PRKD1: variants seen among roughly 807,000 people sequenced by gnomAD.
PRKD1 encodes the protein serine/threonine-protein kinase D1.
A neutral mutation model predicts 95.9 loss-of-function variants in PRKD1; 63 were observed. The ratio of observed to expected loss-of-function variants is 0.66; its 90% CI spans 0.54 to 0.81. The LOEUF (loss-of-function observed/expected upper bound fraction) is 0.81, where lower values mean the gene tolerates loss of function less well. Ranked by LOEUF, PRKD1 falls within the 30% of genes least tolerant of loss-of-function variation. The probability of loss-of-function intolerance (pLI) is 0.00; values close to 1 mark genes in which losing one functional copy is unlikely to be tolerated. For missense variants in PRKD1, 1,048 were observed against 1,165.3 expected (o/e 0.90, Z 1.47); for synonymous variants, 425 against 423.1 (o/e 1.00, Z -0.05).
chr14:29,646,172 C>T (rs1881109633), intron 4 of PRKD1, among the ~76,000 whole-genome samples: 1 of 152,076 alleles, frequency 6.6e-6, no homozygotes, highest in South Asian at 2.1e-4. Flanking sequence ...AAGACATTTG[C>T]ATAGACGCCA....
At chr14:29,850,277 T>A (rs530717758) in intron 1 of PRKD1, among the ~76,000 whole-genome samples, 1 of 152,254 alleles carries the variant, frequency 6.6e-6, no homozygotes, top group East Asian at 1.9e-4. Context: ...ATCTCTTTGC[T>A]AATGATATGA....
In PRKD1 at chr14:29,630,829, C is replaced by G. The variant is rs764016558; in HGVS notation, c.1585G>C (p.Ala529Pro). The change falls in exon 10 of 18, where the codon GCC becomes CCC. Residue 529 changes from alanine to proline, a missense_variant. Ala to Pro is a conservative substitution (Grantham distance 27). Coordinates refer to ENST00000331968, the MANE Select transcript of PRKD1 (RefSeq NM_002742.3). ...VLTSGVGADV[A>P]RMWEIAIQHA... ...TGGATGGCTATCTCCCACATCCTGG[C>G]CACATCTGCACCAACGCCACTGGTG... The G allele has an allele frequency of 6.2e-7, 1 of 1,614,116 alleles. No individual in the cohort carries two copies. Among genetic ancestry groups the G allele is most frequent in the Non-Finnish European group, 8.5e-7 (1 of 1,180,002 alleles).
At chr14:29,668,722 C>T (rs185888276) in intron 2 of PRKD1, among the ~76,000 whole-genome samples, 95 of 152,204 alleles carry the variant, frequency 6.2e-4, no homozygotes, top group African/African-American at 2.0e-3. Context: ...AATAAAATAA[C>T]GACAGATCTT....
intron 1 of PRKD1, among the ~76,000 whole-genome samples, chr14:29,855,682 T>C (rs1254044238): frequency 6.6e-6 from 1 of 152,198 alleles, no homozygotes; most frequent in Non-Finnish European, 1.5e-5. Context: ...AACTCTCATC[T>C]TGTAGCTCCC....
intron 1 of PRKD1, among the ~76,000 whole-genome samples, chr14:29,772,676 G>GT (rs113781815): frequency 0.014 from 2,132 of 152,170 alleles, 49 homozygotes; most frequent in African/African-American, 0.048. Context: ...AACATAAAAT[G>GT]TTTCATGACT....
rs141218682 is a variant in PRKD1, at chr14:29,842,867, C to T, written c.264+84382G>A. On this transcript the variant is annotated intron_variant, in intron 1 of 17. Transcript: ENST00000331968. ...CAGGCAGAGGGTTAAATGTGGGGAG[C>T]GGGTATAGCAGGGAAGAGAGAATGG... is the stretch of plus-strand genomic sequence containing the variant. Among the ~76,000 whole-genome samples, 1,279 of 152,010 alleles carry T rather than the reference C, an allele frequency of 8.4e-3. 7 individuals are homozygous for T. The highest frequency in any genetic ancestry group is 0.014 in the Admixed American group (221 of 15,268).
intron 16 of PRKD1, among the ~76,000 whole-genome samples, chr14:29,580,581 T>C (rs528855377): frequency 1.1e-4 from 17 of 152,220 alleles, no homozygotes; most frequent in African/African-American, 4.1e-4. Context: ...AGTGAGAAAA[T>C]AGGTCCGTCA....
At chr14:29,784,611 G>A (rs918379520) in intron 1 of PRKD1, among the ~76,000 whole-genome samples, 1 of 151,834 alleles carries the variant, frequency 6.6e-6, no homozygotes, top group Non-Finnish European at 1.5e-5. Flanking sequence ...CTTTCACTTC[G>A]AGATCTGAGA....
intron 9 of PRKD1, 98 bp from the exon 10 acceptor site, chr14:29,631,119 T>C: frequency 8.8e-7 from 1 of 1,136,134 alleles, no homozygotes; most frequent in Non-Finnish European, 1.2e-6. Context: ...ACATCACAAA[T>C]AGCCACCATT....
intron 1 of PRKD1, among the ~76,000 whole-genome samples, chr14:29,822,300 A>G (rs1890944856): frequency 6.6e-6 from 1 of 152,214 alleles, no homozygotes; most frequent in Non-Finnish European, 1.5e-5. Flanking sequence ...TTTCTATAGA[A>G]TCCTTCAAGT....
At chr14:29,604,900 C>A (rs1459556844) in intron 13 of PRKD1, among the ~76,000 whole-genome samples, 1 of 152,184 alleles carries the variant, frequency 6.6e-6, no homozygotes, top group Admixed American at 6.5e-5. Flanking sequence ...AGAGGTCCAA[C>A]AATGACATCA....
Position 29,599,756 on chromosome 14 carries a change from AAC to A in PRKD1, c.1965_1966del (p.Phe656CysfsTer18), listed in dbSNP as rs751579180. 1.2e-6 allele frequency: 2 copies of A among 1,613,286 alleles called. No homozygotes were observed. The highest frequency in any genetic ancestry group is 1.7e-6 in the Non-Finnish European group (2 of 1,179,702). On this transcript the variant is annotated frameshift_variant, in exon 14 of 18. Transcript: ENST00000331968. LOFTEE classifies it high-confidence loss of function. ...TCCATGGAGTTTTTCCATAACAACA[AAC>A]ACTCTTTCAGGCGTCTCAAACATAC...
chr14:29,708,954 T>C (rs1350597947), intron 2 of PRKD1, among the ~76,000 whole-genome samples: 1 of 152,190 alleles, frequency 6.6e-6, no homozygotes, highest in Non-Finnish European at 1.5e-5. Context: ...TATTATAAGA[T>C]ATATTTTGGT....
intron 4 of PRKD1, among the ~76,000 whole-genome samples, chr14:29,648,856 G>A (rs904768794): frequency 7.2e-5 from 11 of 151,998 alleles, no homozygotes; most frequent in East Asian, 3.9e-4. Context: ...GGGTTTCACC[G>A]TGTTAGCCAG....
At chr14:29,720,727 C>A (rs1229204031) in intron 2 of PRKD1, among the ~76,000 whole-genome samples, 1 of 151,512 alleles carries the variant, frequency 6.6e-6, no homozygotes, top group Non-Finnish European at 1.5e-5. Flanking sequence ...TTGCAGTGAG[C>A]CAAGATTGAG....
chr14:29,666,281 A>G, intron 2 of PRKD1, 73 bp from the exon 3 acceptor site: 1 of 1,473,634 alleles, frequency 6.8e-7, no homozygotes, highest in East Asian at 2.3e-5. Context: ...ATGCAAGATA[A>G]TAAATATGCC....
rs140188774 is a variant in PRKD1, at chr14:29,821,260, A to G, written c.265-95586T>C. ...TGTGTAGATTGAGAAGACAGCTAAG[A>G]TAGACATCTTAAGACTGTCAGAAAG... On this transcript the variant is annotated intron_variant, in intron 1 of 17. Coordinates refer to ENST00000331968, the MANE Select transcript of PRKD1 (RefSeq NM_002742.3). Among the ~76,000 whole-genome samples, 1,359 of 144,060 alleles carry G rather than the reference A, an allele frequency of 9.4e-3. 23 individuals are homozygous for G. Among genetic ancestry groups the G allele is most frequent in the Admixed American group, 0.041 (604 of 14,758 alleles). 94.5% of individuals were successfully genotyped at this position (144,060 alleles called of 152,430 possible).
rs377758370 is a variant in PRKD1, at chr14:29,618,163, CT to C, written c.1905+5988del. On this transcript the variant is annotated intron_variant, in intron 13 of 17. Transcript: ENST00000331968. ...ATATCCTTAATAATCACAAAACATC[CT>C]TTTATTTTTATCTTGACATGAATAA... Among the ~76,000 whole-genome samples the C allele has an allele frequency of 3.1e-4, 47 of 152,128 alleles. No individual in the cohort carries two copies. The East Asian group carries it at 7.5e-3, about 24-fold the overall frequency.
In PRKD1 at chr14:29,927,475, A is replaced by G. The variant is rs1199048559; in HGVS notation, c.38T>C (p.Leu13Pro). 5.4e-5 allele frequency: 68 copies of G among 1,267,834 alleles called. No homozygotes were observed. Among genetic ancestry groups the G allele is most frequent in the Non-Finnish European group, 1.4e-5 (14 of 1,012,398 alleles). The allele number at this position is 1,267,834 out of a possible 1,614,324, so 78.5% of individuals were successfully genotyped here. Reference protein sequence around the residue: ...APPVLRPPSPLLPVAAAAAAA... With the variant: ...APPVLRPPSPPLPVAAAAAAA... ...GGCAGCTGCCGCCGCCACGGGCAGC[A>G]GCGGACTGGGCGGCCGCAGGACCGG... Residue 13 changes from leucine to proline, a missense_variant, in exon 1 of 18, where the codon CTG becomes CCG. By Grantham distance (98) the Leu-to-Pro change is moderately conservative (BLOSUM62 -3). Transcript: ENST00000331968.
Sources: allele counts gnomAD v4.1 joint callset (sites outside exome capture counted in the v4.1 genomes callset), GRCh38; gene constraint gnomAD v4.1.1; transcripts MANE v1.5; gene names NCBI Gene and HGNC (gene_info 2026-07-23, HGNC 2026-07-21).